The following AEN variants were observed in gnomAD, a reference collection of about 807,000 sequenced individuals.
AEN encodes the protein apoptosis enhancing nuclease.
A neutral mutation model predicts 17.7 loss-of-function variants in AEN; 21 were observed. The ratio of observed to expected loss-of-function variants is 1.19; its 90% CI spans 0.84 to 1.71. The LOEUF is 1.71. Ranked by LOEUF, AEN falls within the 40% of genes most tolerant of loss-of-function variation. The probability of loss-of-function intolerance (pLI) is 0.00; values close to 1 mark genes in which losing one functional copy is unlikely to be tolerated. For missense variants in AEN, 462 were observed against 435.9 expected (o/e 1.06, Z -0.53); for synonymous variants, 190 against 173.0 (o/e 1.10, Z -0.77).
chr15:88,605,261 C>T, the AEN span, among the ~76,000 whole-genome samples: 1 of 152,194 alleles, frequency 6.6e-6, no homozygotes, highest in African/African-American at 2.4e-5. This position sits in a 1 kb window ranked among gnomAD's most constrained non-coding sequence, Gnocchi z 7.6. Flanking sequence ...TTGTTTCGCT[C>T]GGTCCCGCGC....
rs758864112 is a variant in AEN at position 88,626,225 on chromosome 15, G to A, written c.16G>A (p.Ala6Thr). The A allele has an allele frequency of 1.4e-5, 23 of 1,589,922 alleles. No homozygotes were observed. The highest frequency in any genetic ancestry group is 2.0e-5 in the Non-Finnish European group (23 of 1,166,058). The change falls in exon 2 of 4, where the codon GCC (alanine) becomes ACC (threonine). Residue 6 changes from alanine to threonine, a missense_variant. Physicochemically the swap from Ala to Thr is moderately conservative, Grantham distance 58 (BLOSUM62 0). Coordinates refer to ENST00000332810, the MANE Select transcript of AEN (RefSeq NM_022767.4). ...GCTGACTGGAATGGTACCCCGGGAG[G>A]CCCCTGAGTCTGCTCAGTGCCTGTG... is the stretch of plus-strand genomic sequence containing the variant. The part of the protein sequence containing the change: MVPRE[A>T]PESAQCLCPS...
Position 88,629,248 on chromosome 15 carries a change from AGGT to A in AEN, c.572_574del (p.Val191del), listed in dbSNP as rs867709305. The stretch of plus-strand genomic sequence containing the variant: ...CAGATCCTTAAGCTCCTGAAGGGCA[AGGT>A]GGTGGTGGGGCACGCGCTGCACAAC... On this transcript the variant is annotated inframe_deletion, in exon 3 of 4. Coordinates refer to ENST00000332810, the MANE Select transcript of AEN (RefSeq NM_022767.4). 8 of 1,614,092 alleles carry A rather than the reference AGGT, an allele frequency of 5.0e-6. No individual in the cohort carries two copies. Among genetic ancestry groups the A allele is most frequent in the Non-Finnish European group, 5.1e-6 (6 of 1,179,988 alleles).
chr15:88,612,831 C>T, the AEN span, among the ~76,000 whole-genome samples: 1 of 151,964 alleles, frequency 6.6e-6, no homozygotes, highest in African/African-American at 2.4e-5. Context: ...GAACTCGTGA[C>T]GTCAGGGGAT....
chr15:88,609,848 A>G, the AEN span, among the ~76,000 whole-genome samples: 9 of 152,096 alleles, frequency 5.9e-5, no homozygotes, highest in East Asian at 1.7e-3. Flanking sequence ...TCACAATCCT[A>G]CTCTGTCTCT....
At chr15:88,617,738 G>A (rs938609473), upstream of AEN, among the ~76,000 whole-genome samples, 1 of 151,834 alleles carries the variant, frequency 6.6e-6, no homozygotes, top group African/African-American at 2.4e-5. Context: ...CCTCTATGGC[G>A]ATTCCCCACT....
chr15:88,609,658 T>C, the AEN span, among the ~76,000 whole-genome samples: 1 of 152,206 alleles, frequency 6.6e-6, no homozygotes. Context: ...GCAGGTCATT[T>C]TTTCAAAATA....
chr15:88,612,301 C>G, the AEN span, among the ~76,000 whole-genome samples: 1 of 152,118 alleles, frequency 6.6e-6, no homozygotes, highest in African/African-American at 2.4e-5. Flanking sequence ...ATGCGGGCAC[C>G]GAGAGGTATG....
rs1365639635 is a variant in AEN at position 88,631,855 on chromosome 15, A to T, written c.*1561A>T. 1 of 152,504 alleles carries T rather than the reference A, an allele frequency of 6.6e-6. No homozygotes were observed. The highest frequency in any genetic ancestry group is 1.5e-5 in the Non-Finnish European group (1 of 68,166). The allele number at this position is 152,504 out of a possible 1,614,324, so 9.4% of individuals were successfully genotyped here. A position where few individuals can be genotyped will look rare whatever the true frequency, so the allele number is the denominator to read the frequency against. On this transcript the variant is annotated 3_prime_UTR_variant, in exon 4 of 4. Transcript: ENST00000332810. ...ATATCCGTGTGTCTTGTCTGTGGCC[A>T]CCAGGCACAGGTTTGGCTTCCGGTC... is the stretch of plus-strand genomic sequence containing the variant.
intron 2 of AEN, 76 bp downstream of exon 2, chr15:88,626,825 T>G (rs745593770): frequency 6.7e-7 from 1 of 1,497,500 alleles, no homozygotes; most frequent in Middle Eastern, 1.7e-4. Context: ...AATCACCACT[T>G]TGCTTCACTG....
the AEN span, among the ~76,000 whole-genome samples, chr15:88,605,906 G>A: frequency 1.3e-5 from 2 of 152,238 alleles, no homozygotes; most frequent in African/African-American, 4.8e-5. This position sits in a 1 kb window ranked among gnomAD's most constrained non-coding sequence, Gnocchi z 7.6. Flanking sequence ...ACTTGCGCTC[G>A]CGGCCCCTCA....
chr15:88,620,561 C>T (rs899543233), upstream of AEN, among the ~76,000 whole-genome samples: 9 of 130,180 alleles, frequency 6.9e-5, no homozygotes, highest in Admixed American at 6.4e-4. Context: ...ATTACAGGCT[C>T]CCGTCAACGC....
the AEN span, among the ~76,000 whole-genome samples, chr15:88,606,082 C>T: frequency 6.6e-6 from 1 of 152,178 alleles, no homozygotes; most frequent in Non-Finnish European, 1.5e-5. Flanking sequence ...GGCAGTGGTG[C>T]GGGGAGCAGA....
At chr15:88,607,138 G>C in the AEN span, among the ~76,000 whole-genome samples, 1 of 152,162 alleles carries the variant, frequency 6.6e-6, no homozygotes, top group Non-Finnish European at 1.5e-5. Context: ...TTCTCACCTT[G>C]CCCCATAGAC....
At chr15:88,605,310 C>A in the AEN span, among the ~76,000 whole-genome samples, 1 of 152,162 alleles carries the variant, frequency 6.6e-6, no homozygotes, top group Admixed American at 6.5e-5. The surrounding 1 kb of genome is among the most constrained non-coding windows in gnomAD (Gnocchi z 7.6). Flanking sequence ...TCGCGGGAGC[C>A]GGCTCTCGCA....
the AEN span, among the ~76,000 whole-genome samples, chr15:88,615,156 G>T: frequency 6.6e-6 from 1 of 152,130 alleles, no homozygotes; most frequent in Non-Finnish European, 1.5e-5. Context: ...GAGCCACCGC[G>T]CCCGGCCTCG....
At chr15:88,612,558 G>C in the AEN span, among the ~76,000 whole-genome samples, 14 of 151,074 alleles carry the variant, frequency 9.3e-5, no homozygotes, top group Admixed American at 2.7e-4. Flanking sequence ...ATCAGAAAAA[G>C]CATTTCCCAG....
rs1186353877 is a variant in AEN, at chr15:88,631,165, G to A, written c.*871G>A. 2.2e-6 allele frequency: 1 copy of A among 456,588 alleles called. No homozygotes were observed. The highest frequency in any genetic ancestry group is 4.4e-6 in the Non-Finnish European group (1 of 226,982). 28.3% of individuals were successfully genotyped at this position (456,588 alleles called of 1,614,324 possible). ...ACAAGACAGTGGTTTGAATTCTGGGGCCTTTGTGTAGGATTGTGCCTGACC... is the reference window on the plus strand; with the variant it reads ...ACAAGACAGTGGTTTGAATTCTGGGACCTTTGTGTAGGATTGTGCCTGACC... On this transcript the variant is annotated 3_prime_UTR_variant, in exon 4 of 4. Transcript: ENST00000332810.
chr15:88,611,744 G>C, the AEN span: 4 of 355,592 alleles, frequency 1.1e-5, no homozygotes, highest in African/African-American at 8.9e-5. Flanking sequence ...CGGAGACAAC[G>C]CCTCGCCTGA....
Position 88,629,429 on chromosome 15 carries a change from G to A in AEN, c.741+3G>A. The stretch of plus-strand genomic sequence containing the variant: ...AGCTGCTGCACAAGAAGATCCAGGT[G>A]CGTGGTGGGAGAGTGGCTGGAAGGG... On this transcript the variant is annotated splice_donor_region_variant and intron_variant, in intron 3 of 3. Coordinates refer to ENST00000332810, the MANE Select transcript of AEN (RefSeq NM_022767.4). The A allele has an allele frequency of 1.2e-6, 2 of 1,612,848 alleles. No homozygotes were observed. The highest frequency in any genetic ancestry group is 4.5e-5 in the East Asian group (2 of 44,840).
Sources: gnomAD v4.1 joint callset for allele counts (sites outside exome capture counted in the v4.1 genomes callset) on GRCh38, gnomAD v4.1.1 for gene constraint, Gnocchi (gnomAD v3.1) non-coding constraint, MANE v1.5 for transcripts, NCBI Gene and HGNC (gene_info 2026-07-23, HGNC 2026-07-21) for gene names.